CDC42BPA: variants seen among roughly 807,000 people sequenced by gnomAD.
CDC42BPA encodes CDC42 binding protein kinase alpha.
A neutral mutation model predicts 223.5 loss-of-function variants in CDC42BPA; 80 were observed. That is an observed-to-expected ratio of 0.36 (90% CI 0.30 to 0.43). The LOEUF is 0.43. Ranked by LOEUF, CDC42BPA falls within the 20% of genes least tolerant of loss-of-function variation. The probability of loss-of-function intolerance (pLI) is 1.00; values close to 1 mark genes in which losing one functional copy is unlikely to be tolerated. For synonymous variants in CDC42BPA, 694 were observed against 718.6 expected (o/e 0.97, Z 0.55); for missense variants, 1,743 against 2,099.9 (o/e 0.83, Z 3.32).
At chr1:227,309,176 G>C (rs964308353) in intron 1 of CDC42BPA, among the ~76,000 whole-genome samples, 2 of 144,438 alleles carry the variant, frequency 1.4e-5, no homozygotes, top group African/African-American at 2.6e-5. Context: ...GACCAGCGTG[G>C]ACAACATAGT....
chr1:227,107,666 G>C (rs1396064097), intron 14 of CDC42BPA, among the ~76,000 whole-genome samples: 1 of 152,148 alleles, frequency 6.6e-6, no homozygotes, highest in East Asian at 1.9e-4. Context: ...ACTTTTCTTT[G>C]TTAGAAGGTG....
chr1:227,268,372 T>C (rs923326296), intron 1 of CDC42BPA, among the ~76,000 whole-genome samples: 3 of 152,088 alleles, frequency 2.0e-5, no homozygotes, highest in Admixed American at 6.6e-5. Context: ...GTCGGTTTCT[T>C]TTCCAATACC....
At chr1:227,072,363 G>C (rs1678573718) in intron 19 of CDC42BPA, 64 bp from the exon 20 acceptor site, 1 of 904,182 alleles carries the variant, frequency 1.1e-6, no homozygotes, top group Non-Finnish European at 1.8e-6. Flanking sequence ...GAGCCATCTT[G>C]GATGTAGCCA....
chr1:227,093,775 C>T (rs1490702224), intron 15 of CDC42BPA, among the ~76,000 whole-genome samples: 1 of 152,112 alleles, frequency 6.6e-6, no homozygotes, highest in Non-Finnish European at 1.5e-5. Flanking sequence ...AACCTTGGCC[C>T]AAATAAACTC....
At chr1:227,009,852 A>G (rs1372379604) in intron 34 of CDC42BPA, among the ~76,000 whole-genome samples, 1 of 152,210 alleles carries the variant, frequency 6.6e-6, no homozygotes, top group African/African-American at 2.4e-5. Flanking sequence ...TTTAAATGTC[A>G]GTAACATTTA....
intron 5 of CDC42BPA, among the ~76,000 whole-genome samples, chr1:227,171,759 A>T (rs1280743949): frequency 2.6e-5 from 4 of 152,170 alleles, no homozygotes; most frequent in Non-Finnish European, 5.9e-5. Flanking sequence ...TGCGGATACG[A>T]CATTAGTTAA....
At chr1:227,243,357 G>T (rs1680335831) in intron 2 of CDC42BPA, among the ~76,000 whole-genome samples, 1 of 152,086 alleles carries the variant, frequency 6.6e-6, no homozygotes, top group Admixed American at 6.5e-5. Flanking sequence ...ATTGAAAACT[G>T]TTTTTAAAAA....
chr1:227,027,199 T>C (rs1668419665), intron 30 of CDC42BPA, among the ~76,000 whole-genome samples: 1 of 152,070 alleles, frequency 6.6e-6, no homozygotes, highest in Non-Finnish European at 1.5e-5. Flanking sequence ...CAACAAAAAA[T>C]AGTTAAGTCG....
chr1:227,299,914 AG>A (rs1048227993), intron 1 of CDC42BPA, among the ~76,000 whole-genome samples: 22 of 152,196 alleles, frequency 1.4e-4, no homozygotes, highest in Non-Finnish European at 5.9e-5. Context: ...AAGTAAATAA[AG>A]ACGTCATTCT....
rs1206633209 is a variant in CDC42BPA, at chr1:227,069,834, T to G, written c.2847A>C (p.Ser949=). 5.0e-6 allele frequency: 8 copies of G among 1,611,610 alleles called. No homozygotes were observed. The East Asian group carries it at 1.6e-4, about 32-fold the overall frequency. The part of the protein sequence containing the change: ...RSEKGIEHQD[S]QHSFLAFLNT... The stretch of plus-strand genomic sequence containing the variant: ...TCAAAAATGCCAAGAAAGAATGCTG[T>G]GAGTCTTGGTGCTCTATACCTAGAA... The change falls in exon 21 of 37, where the codon TCA becomes TCC. Residue 949 remains serine (S), a synonymous_variant. Coordinates refer to ENST00000366766, the MANE Select transcript of CDC42BPA (RefSeq NM_001394014.1).
chr1:227,058,698 A>T (rs1274453038), intron 21 of CDC42BPA, among the ~76,000 whole-genome samples: 1 of 152,174 alleles, frequency 6.6e-6, no homozygotes, highest in Non-Finnish European at 1.5e-5. Flanking sequence ...TCAAGTTGAG[A>T]AACACAGAGC....
At chr1:227,265,051 A>C in intron 1 of CDC42BPA, 5 of 780,984 alleles carry the variant, frequency 6.4e-6, no homozygotes, top group Non-Finnish European at 1.2e-5. Flanking sequence ...TCATGGACGC[A>C]GCAGGAAAAA....
At chr1:227,234,670 C>T (rs12137591) in intron 2 of CDC42BPA, 30,306 of 152,236 alleles carry the variant, frequency 0.2, 3,126 homozygotes, top group East Asian at 0.26. Flanking sequence ...CTATCCACCA[C>T]GTGAGCACCA....
intron 1 of CDC42BPA, among the ~76,000 whole-genome samples, chr1:227,301,202 G>C (rs1421530822): frequency 6.6e-6 from 1 of 152,124 alleles, no homozygotes; most frequent in Non-Finnish European, 1.5e-5. Context: ...AGAAGAAAAA[G>C]ACTGATCTGC....
At position 226,992,962 on chromosome 1, in the gene CDC42BPA, A is replaced by G. The variant is rs1273468737; in HGVS notation, c.*1306T>C. On this transcript the variant is annotated 3_prime_UTR_variant, in exon 37 of 37. Transcript: ENST00000366766. Reference sequence around the variant, plus strand: ...CCTGCGCACTGGGGTTGTCACATCCATTTTCCACTGGCTATGGGGAATAAT... The same window carrying G: ...CCTGCGCACTGGGGTTGTCACATCCGTTTTCCACTGGCTATGGGGAATAAT... 1.3e-5 allele frequency: 2 copies of G among 152,032 alleles called. No homozygotes were observed. Among genetic ancestry groups the G allele is most frequent in the Non-Finnish European group, 2.9e-5 (2 of 68,018 alleles). The allele number at this position is 152,032 out of a possible 1,614,324, so 9.4% of individuals were successfully genotyped here.
At chr1:227,244,763 G>GA (rs1558856062) in intron 2 of CDC42BPA, among the ~76,000 whole-genome samples, 1 of 152,220 alleles carries the variant, frequency 6.6e-6, no homozygotes. Context: ...TTCATATCTT[G>GA]AAAAAAAGGC....
chr1:227,129,666 C>CAAAAAAAAAAAAAAAA lies in CDC42BPA; in HGVS notation c.1391-451_1391-436dup, dbSNP rs569879499. Among the ~76,000 whole-genome samples, 13 of 33,918 alleles carry CAAAAAAAAAAAAAAAA rather than the reference C, an allele frequency of 3.8e-4. 1 individual carries two copies. The highest frequency in any genetic ancestry group is 1.4e-3 in the East Asian group (1 of 726). 22.3% of individuals were successfully genotyped at this position (33,918 alleles called of 152,430 possible). A position where few individuals can be genotyped will look rare whatever the true frequency, so the allele number is the denominator to read the frequency against. On this transcript the variant is annotated intron_variant, in intron 10 of 36. Coordinates refer to ENST00000366766, the MANE Select transcript of CDC42BPA (RefSeq NM_001394014.1). The stretch of plus-strand genomic sequence containing the variant: ...TGGGAGACAAAGTGAGACTGTATCT[C>CAAAAAAAAAAAAAAAA]AAAAAAAAAAAAAAAAAAAAAAAAA...
intron 22 of CDC42BPA, among the ~76,000 whole-genome samples, chr1:227,048,869 G>A (rs1430107179): frequency 2.7e-5 from 4 of 150,898 alleles, no homozygotes; most frequent in Non-Finnish European, 5.9e-5. Flanking sequence ...AATATTATAA[G>A]AAAAATGGAT....
At chr1:227,179,764 C>G (rs1278117779) in intron 5 of CDC42BPA, among the ~76,000 whole-genome samples, 2 of 108,236 alleles carry the variant, frequency 1.8e-5, no homozygotes, top group Admixed American at 2.0e-4. Context: ...ATCTTTCCTC[C>G]AAAGGGCAAA....
Sources: gnomAD v4.1 joint callset for allele counts (sites outside exome capture counted in the v4.1 genomes callset) on GRCh38, gnomAD v4.1.1 for gene constraint, MANE v1.5 for transcripts, NCBI Gene and HGNC (gene_info 2026-07-23, HGNC 2026-07-21) for gene names.